The following SPATS2 variants were observed in gnomAD, a reference collection of about 807,000 sequenced individuals.
SPATS2 encodes spermatogenesis associated serine rich 2, also known as spermatogenesis-associated serine-rich protein 2.
A neutral mutation model predicts 63.7 loss-of-function variants in SPATS2; 38 were observed. The ratio of observed to expected loss-of-function variants is 0.60; its 90% CI spans 0.46 to 0.78. The LOEUF (loss-of-function observed/expected upper bound fraction) is 0.78, where lower values mean the gene tolerates loss of function less well. Ranked by LOEUF, SPATS2 falls within the 30% of genes least tolerant of loss-of-function variation. The probability of loss-of-function intolerance (pLI) is 0.00; values close to 1 mark genes in which losing one functional copy is unlikely to be tolerated. For synonymous variants in SPATS2, 207 were observed against 232.9 expected (o/e 0.89, Z 1.01); for missense variants, 588 against 666.2 (o/e 0.88, Z 1.29).
At chr12:49,416,531 A>G (rs1304544921) in intron 2 of SPATS2, among the ~76,000 whole-genome samples, 1 of 151,952 alleles carries the variant, frequency 6.6e-6, no homozygotes, top group African/African-American at 2.4e-5. Context: ...TCAGTCGCCC[A>G]GGCTGGAGTG....
chr12:49,523,790 A>G (rs754194864), intron 12 of SPATS2, among the ~76,000 whole-genome samples: 1 of 151,888 alleles, frequency 6.6e-6, no homozygotes, highest in Non-Finnish European at 1.5e-5. Context: ...TCTCTACTAA[A>G]AAATACAAAA....
At chr12:49,455,140 C>T (rs1945696910) in intron 2 of SPATS2, among the ~76,000 whole-genome samples, 1 of 152,074 alleles carries the variant, frequency 6.6e-6, no homozygotes. Flanking sequence ...GCTGAAGTTA[C>T]ATCTGTATCT....
At chr12:49,520,483 T>A (rs1169772246) in intron 11 of SPATS2, among the ~76,000 whole-genome samples, 1 of 152,116 alleles carries the variant, frequency 6.6e-6, no homozygotes, top group Non-Finnish European at 1.5e-5. Flanking sequence ...TTCTGTGGTT[T>A]CAGAGCGTAG....
chr12:49,440,269 G>A lies in SPATS2; in HGVS notation c.-243-20501G>A, dbSNP rs146334717. Among the ~76,000 whole-genome samples, 656 of 152,270 alleles carry A rather than the reference G, an allele frequency of 4.3e-3. 15 individuals are homozygous for A. Among genetic ancestry groups the A allele is most frequent in the Admixed American group, 0.041 (624 of 15,290 alleles). ...CCTGAAGAGTCAAAGTCCAGGAACT[G>A]AAATGTTGATATAATAGTGTATTTC... On this transcript the variant is annotated intron_variant, in intron 2 of 13. Transcript: ENST00000552918.
chr12:49,495,062 G>A (rs1034091723), intron 7 of SPATS2, 60 bp downstream of exon 7: 38 of 1,432,636 alleles, frequency 2.7e-5, no homozygotes, highest in Non-Finnish European at 3.1e-5. Context: ...GGTTCTCCTC[G>A]TTGAGAAAGT....
At chr12:49,437,686 A>C (rs1009850814) in intron 2 of SPATS2, among the ~76,000 whole-genome samples, 5 of 152,238 alleles carry the variant, frequency 3.3e-5, no homozygotes, top group Admixed American at 6.5e-5. Context: ...AAAACCAGTC[A>C]GGCATGGCGG....
chr12:49,416,139 G>A (rs1004712872), intron 2 of SPATS2, among the ~76,000 whole-genome samples: 4 of 151,486 alleles, frequency 2.6e-5, no homozygotes, highest in South Asian at 2.1e-4. Flanking sequence ...ACAAAACTCC[G>A]TTTTATCTTT....
At chr12:49,389,500 G>T in intron 2 of SPATS2, 1 of 867,336 alleles carries the variant, frequency 1.2e-6, no homozygotes, top group South Asian at 1.3e-5. Context: ...ACTAAGAGCA[G>T]GATATATCTT....
chr12:49,419,245 A>G (rs535406126), intron 2 of SPATS2, among the ~76,000 whole-genome samples: 6 of 152,354 alleles, frequency 3.9e-5, no homozygotes, highest in South Asian at 2.1e-4. Context: ...AAGACTTACA[A>G]TATAGTAGCA....
intron 2 of SPATS2, among the ~76,000 whole-genome samples, chr12:49,397,855 A>AG (rs1944538135): frequency 6.7e-6 from 1 of 149,492 alleles, no homozygotes; most frequent in African/African-American, 2.5e-5. Flanking sequence ...AAAAAAAAAA[A>AG]AAAGGATCCA....
At chr12:49,467,346 G>A (rs919614358) in intron 3 of SPATS2, among the ~76,000 whole-genome samples, 3 of 151,944 alleles carry the variant, frequency 2.0e-5, no homozygotes, top group Non-Finnish European at 2.9e-5. Context: ...ATAGGCGTGA[G>A]CCACTGCGCC....
rs530958866 is a variant in SPATS2 at position 49,478,437 on chromosome 12, G to C, written c.26-6153G>C. 2.0e-5 allele frequency among the ~76,000 whole-genome samples: 3 copies of C among 152,188 alleles called. No homozygotes were observed. In the East Asian group the frequency reaches 5.8e-4, roughly 29 times the overall value. On this transcript the variant is annotated intron_variant, in intron 3 of 13. Coordinates refer to ENST00000552918, the MANE Select transcript of SPATS2 (RefSeq NM_023071.4). ...CTGAACTCCACTTGTAATTTTATTGGTGACTTACATGTGGATTATTCTCAA... is the reference window on the plus strand; with the variant it reads ...CTGAACTCCACTTGTAATTTTATTGCTGACTTACATGTGGATTATTCTCAA...
At chr12:49,377,685 T>C (rs1402069942) in intron 2 of SPATS2, among the ~76,000 whole-genome samples, 3 of 152,212 alleles carry the variant, frequency 2.0e-5, no homozygotes, top group East Asian at 1.9e-4. Context: ...AGTATAGTTA[T>C]AATATTTCTA....
chr12:49,496,716 G>A, intron 7 of SPATS2, 117 bp from the exon 8 acceptor site: 1 of 994,208 alleles, frequency 1.0e-6, no homozygotes, highest in Admixed American at 2.4e-5. Flanking sequence ...TTTGTTTACA[G>A]TCTTTTAAGA....
intron 2 of SPATS2, among the ~76,000 whole-genome samples, chr12:49,416,626 G>C (rs1028736140): frequency 6.6e-6 from 1 of 151,962 alleles, no homozygotes; most frequent in African/African-American, 2.4e-5. Context: ...GGGATTACAG[G>C]CACCCATGAC....
At chr12:49,485,849 T>C (rs1946283296) in intron 4 of SPATS2, among the ~76,000 whole-genome samples, 1 of 143,120 alleles carries the variant, frequency 7.0e-6, no homozygotes, top group African/African-American at 2.6e-5. Context: ...AGCCTCCACC[T>C]CCTGGGTTCA....
intron 3 of SPATS2, among the ~76,000 whole-genome samples, chr12:49,467,947 A>T (rs1945954255): frequency 6.6e-6 from 1 of 151,608 alleles, no homozygotes; most frequent in Non-Finnish European, 1.5e-5. Flanking sequence ...ATTAGCCAGG[A>T]TGGTCTCGAT....
intron 2 of SPATS2, among the ~76,000 whole-genome samples, chr12:49,395,211 C>CTAGT (rs1193309776): frequency 1.1e-4 from 16 of 151,550 alleles, no homozygotes. Flanking sequence ...GTTCCCCAGG[C>CTAGT]TAGTCTCAAA....
intron 3 of SPATS2, among the ~76,000 whole-genome samples, chr12:49,465,438 C>A (rs1945895835): frequency 6.6e-6 from 1 of 151,870 alleles, no homozygotes; most frequent in Admixed American, 6.6e-5. Flanking sequence ...ATTTGTACTT[C>A]CCTAATGACT....
Sources: gnomAD v4.1 joint callset for allele counts (sites outside exome capture counted in the v4.1 genomes callset) on GRCh38, gnomAD v4.1.1 for gene constraint, MANE v1.5 for transcripts, NCBI Gene and HGNC (gene_info 2026-07-23, HGNC 2026-07-21) for gene names.